Variants in SPIN1 observed in about 807,000 individuals in gnomAD.
SPIN1 encodes the protein spindlin-1.
SPIN1 carries 3 observed loss-of-function variants against 26.0 expected under a neutral mutation model. The observed-to-expected ratio is 0.12, with a 90% CI of 0.05 to 0.30. SPIN1 has a LOEUF of 0.30. SPIN1 is among the 10% of genes least tolerant of loss of function. The pLI is 1.00. For missense variants in SPIN1, 126 were observed against 333.4 expected (o/e 0.38, Z 4.84); for synonymous variants, 101 against 116.5 (o/e 0.87, Z 0.86).
intron 3 of SPIN1, among the ~76,000 whole-genome samples, chr9:88,457,211 A>T (rs1828489412): frequency 6.6e-6 from 1 of 152,022 alleles, no homozygotes; most frequent in African/African-American, 2.4e-5. Flanking sequence ...TTAAAAACAC[A>T]TGTCACAAGT....
intron 1 of SPIN1, among the ~76,000 whole-genome samples, chr9:88,395,662 G>A (rs1827037745): frequency 6.6e-6 from 1 of 151,854 alleles, no homozygotes; most frequent in African/African-American, 2.4e-5. Flanking sequence ...TGCCCAGGAT[G>A]ATCTTGAACT....
chr9:88,446,762 G>A (rs547715951), intron 2 of SPIN1, among the ~76,000 whole-genome samples: 9 of 152,188 alleles, frequency 5.9e-5, no homozygotes, highest in African/African-American at 1.9e-4. Context: ...TCAGGCTTAC[G>A]TTGTTTCTGA....
intron 1 of SPIN1, among the ~76,000 whole-genome samples, chr9:88,419,270 G>A (rs1587786502): frequency 6.6e-6 from 1 of 151,966 alleles, no homozygotes; most frequent in Admixed American, 6.6e-5. Context: ...CTGATTTCCT[G>A]TTCTGTCATA....
In SPIN1 at chr9:88,426,431, G is replaced by T; in HGVS notation, c.-109G>T. ...TGCTGAACTCGTAAAAGAGACACTT[G>T]GATGGTGGATTAACCAGAACACTAA... On this transcript the variant is annotated 5_prime_UTR_variant, in exon 2 of 6. Transcript: ENST00000375859. The T allele has an allele frequency of 1.2e-6, 1 of 805,438 alleles. No individual in the cohort carries two copies. Among genetic ancestry groups the T allele is most frequent in the East Asian group, 2.7e-5 (1 of 36,926 alleles). 49.9% of individuals were successfully genotyped at this position (805,438 alleles called of 1,614,324 possible). A position where few individuals can be genotyped will look rare whatever the true frequency, so the allele number is the denominator to read the frequency against.
intron 3 of SPIN1, among the ~76,000 whole-genome samples, chr9:88,455,229 C>T (rs1037174333): frequency 5.3e-5 from 8 of 152,212 alleles, no homozygotes; most frequent in African/African-American, 1.9e-4. Flanking sequence ...CTTCAGGAGG[C>T]CAAGGCTGGC....
Position 88,439,334 on chromosome 9 carries a change from AT to A in SPIN1, c.53-9605del, listed in dbSNP as rs753726348. 2.0e-5 allele frequency among the ~76,000 whole-genome samples: 3 copies of A among 152,322 alleles called. No individual in the cohort carries two copies. In the South Asian group the frequency reaches 6.2e-4, roughly 32 times the overall value. On this transcript the variant is annotated intron_variant, in intron 2 of 5. Transcript: ENST00000375859. ...GGAATGATGATGATAACAAACACAG[AT>A]TGTCCACATGGGTTGAGCTAGTGAC... is the stretch of plus-strand genomic sequence containing the variant.
chr9:88,409,781 T>C lies in SPIN1; in HGVS notation c.-158-16601T>C, dbSNP rs866296742. Among the ~76,000 whole-genome samples the C allele has an allele frequency of 4.0e-5, 6 of 150,398 alleles. 1 individual carries two copies. In the Middle Eastern group the frequency reaches 0.02, roughly 512 times the overall value. ...TGAACCCAGGAGGCGGAGCTTGCAG[T>C]GAGCTGAGATCGCGCCACTGCACTC... On this transcript the variant is annotated intron_variant, in intron 1 of 5. Transcript: ENST00000375859.
chr9:88,460,546 G>A (rs1283843855), intron 3 of SPIN1, among the ~76,000 whole-genome samples: 1 of 152,154 alleles, frequency 6.6e-6, no homozygotes, highest in Non-Finnish European at 1.5e-5. Context: ...GAGAAGTCCC[G>A]TGGAGTGCTG....
intron 1 of SPIN1, among the ~76,000 whole-genome samples, chr9:88,422,146 C>G (rs937490975): frequency 1.3e-5 from 2 of 152,092 alleles, no homozygotes; most frequent in Non-Finnish European, 2.9e-5. Context: ...AATTATTGTT[C>G]TCCAGCAACC....
At chr9:88,406,051 G>C (rs1055994630) in intron 1 of SPIN1, among the ~76,000 whole-genome samples, 1 of 150,260 alleles carries the variant, frequency 6.7e-6, no homozygotes, top group Non-Finnish European at 1.5e-5. Context: ...GTACGTGTAC[G>C]TGTAGAGATA....
chr9:88,395,896 A>G (rs1225386104), intron 1 of SPIN1, among the ~76,000 whole-genome samples: 1 of 151,950 alleles, frequency 6.6e-6, no homozygotes, highest in Non-Finnish European at 1.5e-5. Context: ...AAAATACAAA[A>G]ATTAGCCTGG....
intron 1 of SPIN1, chr9:88,411,493 T>G (rs1827441505): frequency 2.3e-6 from 2 of 870,434 alleles, no homozygotes; most frequent in African/African-American, 3.4e-5. Flanking sequence ...ACTTTAATGA[T>G]GCTTCAGCGT....
chr9:88,411,062 A>G (rs548594251), intron 1 of SPIN1: 296 of 1,583,012 alleles, frequency 1.9e-4, no homozygotes, highest in Non-Finnish European at 1.8e-4. Flanking sequence ...CATGATTTCA[A>G]TCACTTCAGT....
At chr9:88,473,194 GT>G (rs1258141867) in intron 5 of SPIN1, among the ~76,000 whole-genome samples, 1 of 151,026 alleles carries the variant, frequency 6.6e-6, no homozygotes, top group Admixed American at 6.6e-5. Flanking sequence ...GGAGTTCGAG[GT>G]CAGCCTGGTC....
At chr9:88,444,255 T>TTTC (rs1368368373) in intron 2 of SPIN1, among the ~76,000 whole-genome samples, 3 of 147,662 alleles carry the variant, frequency 2.0e-5, no homozygotes, top group African/African-American at 7.6e-5. Context: ...TTTTTTTTTT[T>TTTC]TTTGAGACAG....
At chr9:88,471,211 A>G (rs1227222373) in intron 5 of SPIN1, among the ~76,000 whole-genome samples, 1 of 152,186 alleles carries the variant, frequency 6.6e-6, no homozygotes, top group African/African-American at 2.4e-5. Flanking sequence ...TAAGAGTTTT[A>G]TAATTATAGC....
chr9:88,426,742 A>T, intron 2 of SPIN1, 151 bp downstream of exon 2: 1 of 532,554 alleles, frequency 1.9e-6, no homozygotes, highest in Non-Finnish European at 3.2e-6. Context: ...TAAGAAGCAG[A>T]TTTAAGTTTC....
Position 88,468,496 on chromosome 9 carries a change from T to C in SPIN1, c.480T>C (p.Pro160=). Residue 160 remains proline, a synonymous_variant, in exon 5 of 6, where the codon CCT becomes CCC. Coordinates refer to ENST00000375859, the MANE Select transcript of SPIN1 (RefSeq NM_006717.3). ...EWRGMVLARA[P]VMNTWFYITY... ...GGGGAATGGTCTTAGCACGTGCACC[T>C]GTCATGAACACATGGTTTTACATTA... 6.2e-7 allele frequency: 1 copy of C among 1,613,830 alleles called. No homozygotes were observed.
chr9:88,404,799 C>G (rs976061852), intron 1 of SPIN1, among the ~76,000 whole-genome samples: 13 of 151,714 alleles, frequency 8.6e-5, no homozygotes, highest in Non-Finnish European at 2.9e-5. Context: ...GCCTGTAATC[C>G]CAGCTACTCG....
Sources: gnomAD v4.1 joint callset for allele counts (sites outside exome capture counted in the v4.1 genomes callset) on GRCh38, gnomAD v4.1.1 for gene constraint, MANE v1.5 for transcripts, NCBI Gene and HGNC (gene_info 2026-07-23, HGNC 2026-07-21) for gene names.